Variants in USP45 observed in about 807,000 individuals in gnomAD.
USP45 encodes ubiquitin carboxyl-terminal hydrolase 45.
A neutral mutation model predicts 95.8 loss-of-function variants in USP45; 89 were observed. That is an observed-to-expected ratio of 0.93 (90% CI 0.78 to 1.11). The LOEUF (loss-of-function observed/expected upper bound fraction) is 1.11, where lower values mean the gene tolerates loss of function less well. Ranked by LOEUF, USP45 falls within the 50% of genes least tolerant of loss-of-function variation. The probability of loss-of-function intolerance (pLI) is 0.00; values close to 1 mark genes in which losing one functional copy is unlikely to be tolerated. For synonymous variants in USP45, 281 were observed against 316.2 expected, an observed-to-expected ratio of 0.89 and a Z score of 1.18; for missense variants, 898 against 942.5, an observed-to-expected ratio of 0.95 and a Z score of 0.62.
chr6:99,478,220 GTTTTTT>G (rs71021740), intron 8 of USP45, among the ~76,000 whole-genome samples: 1,855 of 99,476 alleles, frequency 0.019, 21 homozygotes, highest in Non-Finnish European at 0.025. Flanking sequence ...ACTTAGATTT[GTTTTTT>G]TTTTTTTTTT....
intron 5 of USP45, among the ~76,000 whole-genome samples, chr6:99,493,303 A>G (rs1795597449): frequency 6.6e-6 from 1 of 151,068 alleles, no homozygotes; most frequent in South Asian, 2.1e-4. Context: ...TGGGATTACA[A>G]ACATGAGCCA....
chr6:99,447,166 G>C (rs557588878), intron 13 of USP45, among the ~76,000 whole-genome samples: 16 of 151,382 alleles, frequency 1.1e-4, no homozygotes, highest in African/African-American at 3.4e-4. Flanking sequence ...AGAAAATTAC[G>C]GGAAAAAAAT....
chr6:99,471,244 T>C (rs1394074626), intron 9 of USP45, among the ~76,000 whole-genome samples: 4 of 152,198 alleles, frequency 2.6e-5, no homozygotes, highest in African/African-American at 9.6e-5. Context: ...ATACAATTCC[T>C]CATTGTTAAG....
chr6:99,504,768 C>G (rs973014251), intron 4 of USP45, among the ~76,000 whole-genome samples: 1 of 152,126 alleles, frequency 6.6e-6, no homozygotes, highest in Non-Finnish European at 1.5e-5. Context: ...GTTCTGACAA[C>G]TGGTGAGAGG....
intron 1 of USP45, chr6:99,515,067 G>A (rs1009603272): frequency 3.3e-5 from 5 of 152,408 alleles, no homozygotes; most frequent in African/African-American, 9.6e-5. Context: ...CCGAGGATGT[G>A]AAGAGAAATG....
At chr6:99,471,716 AAGG>A (rs966286738) in intron 9 of USP45, among the ~76,000 whole-genome samples, 1 of 152,208 alleles carries the variant, frequency 6.6e-6, no homozygotes, top group Non-Finnish European at 1.5e-5. Context: ...AACCATATGA[AAGG>A]AGGTCAGTAG....
intron 9 of USP45, among the ~76,000 whole-genome samples, chr6:99,472,886 A>G (rs934659397): frequency 2.0e-5 from 3 of 152,234 alleles, no homozygotes; most frequent in Non-Finnish European, 4.4e-5. Flanking sequence ...ATAGAATTAG[A>G]AAGATCATTA....
rs1799021136 is a variant in USP45 at position 99,508,460 on chromosome 6, C to T, written c.273+150G>A. On this transcript the variant is annotated intron_variant, in intron 3 of 17. Transcript: ENST00000500704. ...TAGCATACCTTTTACTTTACCTTAA[C>T]AATCATTTTTAAGTTCATTCCTGGA... The T allele has an allele frequency of 3.8e-6, 3 of 780,794 alleles. No individual in the cohort carries two copies. The East Asian group carries it at 8.3e-5, about 22-fold the overall frequency. The allele number at this position is 780,794 out of a possible 1,614,324, so 48.4% of individuals were successfully genotyped here. A position where few individuals can be genotyped will look rare whatever the true frequency, so the allele number is the denominator to read the frequency against.
chr6:99,438,482 TATATAA>T (rs1353663721), intron 16 of USP45, among the ~76,000 whole-genome samples: 1 of 152,202 alleles, frequency 6.6e-6, no homozygotes, highest in Non-Finnish European at 1.5e-5. Flanking sequence ...ACTTTGGACC[TATATAA>T]ATATGTTATG....
At chr6:99,480,092 T>C (rs973625520) in intron 8 of USP45, among the ~76,000 whole-genome samples, 5 of 152,168 alleles carry the variant, frequency 3.3e-5, no homozygotes, top group Non-Finnish European at 7.4e-5. Flanking sequence ...ATCAACTGTA[T>C]TTCTGTATAT....
chr6:99,468,542 A>C lies in USP45; in HGVS notation c.1010T>G (p.Val337Gly). ...TTAACAAAGAGTCAACATACCTTTG[A>C]CTTTTTTTCTAGTTTCATCATCAGC... Reference protein sequence around the residue: ...KTADDETRKKVKAYGKEGVKM... With the variant: ...KTADDETRKKGKAYGKEGVKM... Residue 337 changes from valine (V) to glycine (G), a missense_variant, in exon 10 of 18, where the codon GTC (valine) becomes GGC (glycine). Val to Gly is a moderately radical substitution (Grantham distance 109). Coordinates refer to ENST00000500704, the MANE Select transcript of USP45 (RefSeq NM_001346022.3). 6.3e-7 allele frequency: 1 copy of C among 1,598,744 alleles called. No homozygotes were observed. Among genetic ancestry groups the C allele is most frequent in the Non-Finnish European group, 8.6e-7 (1 of 1,169,470 alleles).
intron 8 of USP45, 193 bp downstream of exon 8, chr6:99,482,560 T>G: frequency 1.1e-5 from 5 of 450,314 alleles, no homozygotes; most frequent in Non-Finnish European, 1.5e-5. Flanking sequence ...TCCTTATATA[T>G]GAGGATAAGC....
At chr6:99,505,626 G>C (rs912165546) in intron 4 of USP45, among the ~76,000 whole-genome samples, 18 of 125,636 alleles carry the variant, frequency 1.4e-4, no homozygotes, top group Non-Finnish European at 2.2e-4. Context: ...GGGTGACAGA[G>C]TGAGATTCCA....
intron 5 of USP45, among the ~76,000 whole-genome samples, chr6:99,499,428 TA>T (rs1439811189): frequency 2.0e-5 from 3 of 152,270 alleles, no homozygotes; most frequent in Non-Finnish European, 4.4e-5. Flanking sequence ...AAATATTTTA[TA>T]AAAATATACG....
chr6:99,484,010 T>TTTTTTTG (rs1411540851), intron 7 of USP45, among the ~76,000 whole-genome samples: 1 of 134,864 alleles, frequency 7.4e-6, no homozygotes. Context: ...CATAGTTTTT[T>TTTTTTTG]TTTTTTTTTT....
intron 17 of USP45, among the ~76,000 whole-genome samples, chr6:99,436,681 T>C (rs879506256): frequency 2.6e-5 from 4 of 152,246 alleles, no homozygotes; most frequent in African/African-American, 7.2e-5. Flanking sequence ...AATAAAATGC[T>C]ACTCCACTAT....
At chr6:99,458,081 C>T (rs1278106162) in intron 13 of USP45, among the ~76,000 whole-genome samples, 7 of 152,128 alleles carry the variant, frequency 4.6e-5, no homozygotes, top group Non-Finnish European at 8.8e-5. Context: ...AGTGCAGTAG[C>T]GCAATCTCGG....
chr6:99,502,410 G>T (rs558097794), intron 5 of USP45, among the ~76,000 whole-genome samples: 43 of 152,236 alleles, frequency 2.8e-4, no homozygotes, highest in African/African-American at 1.0e-3. Flanking sequence ...TGAAGAAATG[G>T]TAGGAACCCC....
At chr6:99,512,585 G>A in intron 1 of USP45, among the ~76,000 whole-genome samples, 1 of 152,122 alleles carries the variant, frequency 6.6e-6, no homozygotes, top group East Asian at 1.9e-4. Context: ...TTTCATGGTT[G>A]CTGACTTACT....
Sources: allele counts gnomAD v4.1 joint callset (sites outside exome capture counted in the v4.1 genomes callset), GRCh38; gene constraint gnomAD v4.1.1; transcripts MANE v1.5; gene names NCBI Gene and HGNC (gene_info 2026-07-23, HGNC 2026-07-21).